SLC11A2: variants seen among roughly 807,000 people sequenced by gnomAD.
SLC11A2 encodes the protein solute carrier family 11 member 2, also known as natural resistance-associated macrophage protein 2.
Under a neutral mutation model 68.0 loss-of-function variants are expected in SLC11A2, and 38 were observed. The observed-to-expected ratio is 0.56, with a 90% CI of 0.43 to 0.73. SLC11A2 has a LOEUF of 0.73. Among genes scored for constraint, SLC11A2 ranks in the 30% least tolerant of loss-of-function variants. The probability of loss-of-function intolerance (pLI) is 0.00; values close to 1 mark genes in which losing one functional copy is unlikely to be tolerated. For synonymous variants in SLC11A2, 242 were observed against 250.6 expected, an observed-to-expected ratio of 0.97 and a Z score of 0.32; for missense variants, 517 against 690.5, an observed-to-expected ratio of 0.75 and a Z score of 2.82.
chr12:50,963,634 T>C, the SLC11A2 span, among the ~76,000 whole-genome samples: 2 of 152,160 alleles, frequency 1.3e-5, no homozygotes, highest in Non-Finnish European at 2.9e-5. Context: ...ATGGTGGCTG[T>C]GCTCATGATT....
intron 6 of SLC11A2, among the ~76,000 whole-genome samples, chr12:50,999,808 G>A (rs2136239308): frequency 6.6e-6 from 1 of 152,178 alleles, no homozygotes; most frequent in Non-Finnish European, 1.5e-5. Context: ...AGGAGTTAGA[G>A]ACCAGCCTGG....
chr12:50,990,844 A>C lies in SLC11A2; in HGVS notation c.1526T>G (p.Val509Gly). The C allele has an allele frequency of 6.2e-7, 1 of 1,614,164 alleles. No homozygotes were observed. Among genetic ancestry groups the C allele is most frequent in the Non-Finnish European group, 8.5e-7 (1 of 1,180,016 alleles). Residue 509 changes from valine (V) to glycine (G), a missense_variant, in exon 15 of 16, where the codon GTG (valine) becomes GGG (glycine). Val to Gly is a moderately radical substitution (Grantham distance 109, BLOSUM62 -3). Transcript: ENST00000262052. ...AGCCACGCTGACCACAGCAGCCACCACATATAATGCCACATGCCCTAGGTC... is the reference window on the plus strand; with the variant it reads ...AGCCACGCTGACCACAGCAGCCACCCCATATAATGCCACATGCCCTAGGTC... The part of the protein sequence containing the change: ...VRDLGHVALY[V>G]VAAVVSVAYL...
chr12:50,958,284 T>TC, the SLC11A2 span, among the ~76,000 whole-genome samples: 43 of 140,060 alleles, frequency 3.1e-4, no homozygotes, highest in Non-Finnish European at 1.5e-5. Context: ...AAAATAATCT[T>TC]TTTTTTTTTT....
chr12:50,999,297 CAT>C (rs771293544), intron 7 of SLC11A2, 46 bp downstream of exon 7: 1 of 1,605,578 alleles, frequency 6.2e-7, no homozygotes, highest in Non-Finnish European at 8.5e-7. Flanking sequence ...CCATCTGCCA[CAT>C]GACAGAGAGC....
rs1219397046 is a variant in SLC11A2, at chr12:50,987,230, T to C, written c.*1095A>G. On this transcript the variant is annotated 3_prime_UTR_variant, in exon 16 of 16. Transcript: ENST00000262052. Reference sequence around the variant, plus strand: ...GTTCAACTTTGCTGAGACAGTGAACTTTGCAACCATACTAACACCTACTGA... The same window carrying C: ...GTTCAACTTTGCTGAGACAGTGAACCTTGCAACCATACTAACACCTACTGA... The C allele has an allele frequency of 7.8e-7, 1 of 1,287,174 alleles. No homozygotes were observed. The highest frequency in any genetic ancestry group is 1.0e-6 in the Non-Finnish European group (1 of 988,664). The allele number at this position is 1,287,174 out of a possible 1,614,324, so 79.7% of individuals were successfully genotyped here. A position where few individuals can be genotyped will look rare whatever the true frequency, so the allele number is the denominator to read the frequency against.
At chr12:50,980,090 G>A, downstream of SLC11A2, 1 of 382,492 alleles carries the variant, frequency 2.6e-6, no homozygotes, top group Non-Finnish European at 5.2e-6. Flanking sequence ...GCTGGGTGTG[G>A]TGGTGTGTGC....
chr12:51,016,847 CAAAAAAAA>C (rs34208777), intron 1 of SLC11A2, among the ~76,000 whole-genome samples: 13 of 60,766 alleles, frequency 2.1e-4, no homozygotes, highest in African/African-American at 1.8e-4. Context: ...AACTCTGTCT[CAAAAAAAA>C]AAAAAAAAAA....
At chr12:50,953,112 C>A in the SLC11A2 span, among the ~76,000 whole-genome samples, 2 of 152,192 alleles carry the variant, frequency 1.3e-5, no homozygotes, top group South Asian at 4.1e-4. Context: ...CCCCAGTCCC[C>A]TGGGGCGTGT....
chr12:50,994,799 C>T, intron 10 of SLC11A2, 169 bp from the exon 11 acceptor site: 1 of 596,090 alleles, frequency 1.7e-6, no homozygotes, highest in Middle Eastern at 3.4e-4. Context: ...CTAGGATCTT[C>T]CTCTATAATC....
At chr12:51,017,128 A>C (rs1464486575) in intron 1 of SLC11A2, among the ~76,000 whole-genome samples, 2 of 152,162 alleles carry the variant, frequency 1.3e-5, no homozygotes, top group African/African-American at 4.8e-5. Flanking sequence ...TACTCCTAAA[A>C]ATGTATTCTT....
At chr12:51,005,035 ATGACT>A (rs1251150522) in intron 4 of SLC11A2, 128 bp from the exon 5 acceptor site, 2 of 1,163,848 alleles carry the variant, frequency 1.7e-6, no homozygotes, top group African/African-American at 3.0e-5. Flanking sequence ...CAAGAATCAA[ATGACT>A]TGAGTTCTAT....
upstream of SLC11A2, chr12:51,026,422 A>G: frequency 8.5e-7 from 1 of 1,171,822 alleles, no homozygotes; most frequent in Non-Finnish European, 1.1e-6. Context: ...GGTCGACAGG[A>G]CGGCAGCCGC....
chr12:51,022,859 C>T (rs746133442), intron 1 of SLC11A2, among the ~76,000 whole-genome samples: 1 of 152,178 alleles, frequency 6.6e-6, no homozygotes. Flanking sequence ...CACAAAATGA[C>T]TTATCGGCAA....
At chr12:51,015,973 C>T (rs961966152) in intron 1 of SLC11A2, among the ~76,000 whole-genome samples, 25 of 151,598 alleles carry the variant, frequency 1.6e-4, no homozygotes, top group African/African-American at 5.8e-4. Flanking sequence ...TTAGTAAAGA[C>T]GGGGTTTCAC....
the SLC11A2 span, among the ~76,000 whole-genome samples, chr12:50,968,113 G>T: frequency 6.6e-6 from 1 of 151,920 alleles, no homozygotes; most frequent in African/African-American, 2.4e-5. Context: ...AGGAGGAGGA[G>T]GAGGAGGAGG....
At chr12:51,000,626 G>T in intron 5 of SLC11A2, 1 of 601,342 alleles carries the variant, frequency 1.7e-6, no homozygotes, top group Non-Finnish European at 2.9e-6. Context: ...GCTACCACGT[G>T]GCAGAACCTG....
chr12:50,993,937 A>T (rs1941434691), intron 11 of SLC11A2, among the ~76,000 whole-genome samples: 1 of 132,330 alleles, frequency 7.6e-6, no homozygotes, highest in Non-Finnish European at 1.6e-5. Context: ...GGCTGCAGTG[A>T]GCCATGATCG....
downstream of SLC11A2, chr12:50,979,288 T>C (rs535003673): frequency 5.2e-5 from 8 of 152,452 alleles, no homozygotes; most frequent in Non-Finnish European, 4.4e-5. Context: ...ACAGGAGTTC[T>C]GTGACCTGAA....
the SLC11A2 span, among the ~76,000 whole-genome samples, chr12:50,952,662 C>T: frequency 6.6e-6 from 1 of 152,122 alleles, no homozygotes; most frequent in Non-Finnish European, 1.5e-5. Flanking sequence ...CCCCTGGGCG[C>T]GTGTGCAGCT....
Sources: allele counts gnomAD v4.1 joint callset (sites outside exome capture counted in the v4.1 genomes callset), GRCh38; gene constraint gnomAD v4.1.1; transcripts MANE v1.5; gene names NCBI Gene and HGNC (gene_info 2026-07-23, HGNC 2026-07-21).